The following TRAK2 variants were observed in gnomAD, a reference collection of about 807,000 sequenced individuals.
The protein encoded by TRAK2 is trafficking kinesin protein 2, also known as trafficking kinesin-binding protein 2.
In TRAK2, 81 loss-of-function variants were observed where a neutral mutation model predicts 104.6. That is an observed-to-expected ratio of 0.77 (90% CI 0.65 to 0.93). The LOEUF (loss-of-function observed/expected upper bound fraction) is 0.93, where lower values mean the gene tolerates loss of function less well. Ranked by LOEUF, TRAK2 falls within the 40% of genes least tolerant of loss-of-function variation. The pLI is 0.00. For synonymous variants in TRAK2, 406 were observed against 394.4 expected (o/e 1.03, Z -0.35); for missense variants, 1,002 against 1,089.0 (o/e 0.92, Z 1.12).
At chr2:201,407,895 A>G (rs1159798554) in intron 2 of TRAK2, among the ~76,000 whole-genome samples, 2 of 152,216 alleles carry the variant, frequency 1.3e-5, no homozygotes, top group African/African-American at 4.8e-5. Flanking sequence ...TATGGGGTAC[A>G]TGTGATATTT....
chr2:201,416,011 A>G (rs1322821958), intron 2 of TRAK2, among the ~76,000 whole-genome samples: 2 of 152,200 alleles, frequency 1.3e-5, no homozygotes, highest in African/African-American at 4.8e-5. Context: ...ATTTCAAGAT[A>G]GATGACAATG....
chr2:201,416,760 T>C (rs1220983367), intron 2 of TRAK2, among the ~76,000 whole-genome samples: 4 of 152,066 alleles, frequency 2.6e-5, no homozygotes, highest in Admixed American at 2.0e-4. Flanking sequence ...TATTTGAAGA[T>C]GGGCTTTGAT....
intron 2 of TRAK2, among the ~76,000 whole-genome samples, chr2:201,417,346 C>A (rs372828927): frequency 6.6e-6 from 1 of 151,140 alleles, no homozygotes; most frequent in Non-Finnish European, 1.5e-5. Flanking sequence ...TATACACACA[C>A]TCCCTAACAA....
chr2:201,397,542 T>C lies in TRAK2; in HGVS notation c.729A>G (p.Glu243=). The C allele has an allele frequency of 6.2e-7, 1 of 1,613,052 alleles. No homozygotes were observed. ...HIKTETVTYE[E]KEQQLVSDCV... ...AGTCGCTGACAAGCTGTTGTTCCTT[T>C]TCTTCATAGGTAACAGTTTCTGTCT... The change falls in exon 7 of 16, where the codon GAA becomes GAG. Residue 243 remains glutamate, a synonymous_variant. Transcript: ENST00000332624.
chr2:201,423,476 G>A (rs895023938), intron 1 of TRAK2: 4 of 152,060 alleles, frequency 2.6e-5, no homozygotes, highest in African/African-American at 7.2e-5. Context: ...ATGCGTATGG[G>A]GATTCCTTTT....
chr2:201,389,380 T>C lies in TRAK2; in HGVS notation c.1317A>G (p.Ala439=), dbSNP rs767255391. The change falls in exon 12 of 16, where the codon GCA becomes GCG. Residue 439 remains alanine (A), a synonymous_variant. Coordinates refer to ENST00000332624, the MANE Select transcript of TRAK2 (RefSeq NM_015049.3). The part of the protein sequence containing the change: ...GSNRSSVIMT[A]KPFESGLQQT... Reference sequence around the variant, plus strand: ...GCTGAAGACCAGACTCAAAAGGTTTTGCTGTCATGATGACACTTGAACGGT... The same window carrying C: ...GCTGAAGACCAGACTCAAAAGGTTTCGCTGTCATGATGACACTTGAACGGT... 7 of 1,614,080 alleles carry C rather than the reference T, an allele frequency of 4.3e-6. No homozygotes were observed. Among genetic ancestry groups the C allele is most frequent in the Middle Eastern group, 1.6e-4 (1 of 6,084 alleles).
chr2:201,410,718 T>C, intron 2 of TRAK2: 1 of 1,453,154 alleles, frequency 6.9e-7, no homozygotes, highest in Non-Finnish European at 9.7e-7. Flanking sequence ...CTGGAGAAAC[T>C]TGAGGAGGTA....
intron 1 of TRAK2, among the ~76,000 whole-genome samples, chr2:201,443,431 C>G (rs184427324): frequency 6.6e-6 from 1 of 152,336 alleles, no homozygotes; most frequent in African/African-American, 2.4e-5. Flanking sequence ...CATTCCCTCC[C>G]CTTGGTCTTT....
intron 3 of TRAK2, among the ~76,000 whole-genome samples, chr2:201,404,027 G>T (rs999047521): frequency 1.3e-5 from 2 of 152,108 alleles, no homozygotes; most frequent in African/African-American, 2.4e-5. Flanking sequence ...TCTCTGCAGT[G>T]GAATCAGTTC....
intron 1 of TRAK2, among the ~76,000 whole-genome samples, chr2:201,433,948 C>A (rs1951862559): frequency 6.6e-6 from 1 of 151,796 alleles, no homozygotes; most frequent in South Asian, 2.1e-4. Context: ...CATGGGACTG[C>A]CCTTCATAAT....
At chr2:201,449,102 G>A (rs969902284) in intron 1 of TRAK2, among the ~76,000 whole-genome samples, 10 of 152,070 alleles carry the variant, frequency 6.6e-5, no homozygotes, top group African/African-American at 2.4e-4. Context: ...TGGGCTTTTC[G>A]GGTCTTACTG....
At chr2:201,436,836 C>T (rs150416552) in intron 1 of TRAK2, among the ~76,000 whole-genome samples, 14 of 152,242 alleles carry the variant, frequency 9.2e-5, no homozygotes, top group Admixed American at 2.6e-4. Context: ...GGCACCAGGA[C>T]GTGCAATCTT....
chr2:201,399,354 C>T, intron 5 of TRAK2, 23 bp downstream of exon 5: 1 of 1,506,240 alleles, frequency 6.6e-7, no homozygotes, highest in Non-Finnish European at 9.2e-7. Flanking sequence ...TTTCATACTG[C>T]AGACATTTGA....
intron 1 of TRAK2, among the ~76,000 whole-genome samples, chr2:201,446,905 C>T (rs927458295): frequency 3.3e-4 from 50 of 152,166 alleles, no homozygotes; most frequent in African/African-American, 1.2e-3. Context: ...TAAAGACAGC[C>T]TCTGGGTACA....
intron 1 of TRAK2, among the ~76,000 whole-genome samples, chr2:201,439,921 C>A (rs1448940555): frequency 1.8e-5 from 2 of 113,400 alleles, no homozygotes; most frequent in Non-Finnish European, 3.3e-5. Flanking sequence ...ACATCACACT[C>A]TGGGGACTGT....
chr2:201,389,238 T>A (rs1430534860), intron 12 of TRAK2, 62 bp downstream of exon 12: 2 of 1,483,620 alleles, frequency 1.3e-6, no homozygotes, highest in African/African-American at 1.4e-5. Context: ...AATGTGCGTA[T>A]GTGAATCTGG....
chr2:201,407,537 AGTT>A lies in TRAK2; in HGVS notation c.149_151del (p.Gln50del). The A allele has an allele frequency of 6.2e-7, 1 of 1,614,066 alleles. No homozygotes were observed. The highest frequency in any genetic ancestry group is 8.5e-7 in the Non-Finnish European group (1 of 1,179,982). On this transcript the variant is annotated inframe_deletion, in exon 3 of 16. Transcript: ENST00000332624. Reference sequence around the variant, plus strand: ...GTCTACTTTTAGCCTATACTGTGGTAGTTGTTCTTCTAGCAGACTCACCAGCTC... The same window carrying A: ...GTCTACTTTTAGCCTATACTGTGGTAGTTCTTCTAGCAGACTCACCAGCTC...
chr2:201,416,037 A>G (rs1951689138), intron 2 of TRAK2, among the ~76,000 whole-genome samples: 1 of 151,978 alleles, frequency 6.6e-6, no homozygotes, highest in African/African-American at 2.4e-5. Context: ...GCATCATTAA[A>G]ACACATGGAC....
intron 10 of TRAK2, among the ~76,000 whole-genome samples, chr2:201,390,563 CAAAA>C (rs566298441): frequency 2.3e-5 from 2 of 87,260 alleles, no homozygotes; most frequent in Middle Eastern, 5.9e-3. Flanking sequence ...GACTCCGTCT[CAAAA>C]AAAAAAAAAA....
Sources: gnomAD v4.1 joint callset for allele counts (sites outside exome capture counted in the v4.1 genomes callset) on GRCh38, gnomAD v4.1.1 for gene constraint, MANE v1.5 for transcripts, NCBI Gene and HGNC (gene_info 2026-07-23, HGNC 2026-07-21) for gene names.